STARD13: variants seen among roughly 807,000 people sequenced by gnomAD.
The protein encoded by STARD13 is stAR-related lipid transfer protein 13.
STARD13 carries 62 observed loss-of-function variants against 106.4 expected under a neutral mutation model. The ratio of observed to expected loss-of-function variants is 0.58; its 90% CI spans 0.48 to 0.72. The LOEUF (loss-of-function observed/expected upper bound fraction) is 0.72, where lower values mean the gene tolerates loss of function less well. STARD13 is among the 30% of genes least tolerant of loss of function. The pLI is 0.00. For missense variants in STARD13, 1,387 were observed against 1,424.0 expected (o/e 0.97, Z 0.42); for synonymous variants, 565 against 553.0 (o/e 1.02, Z -0.31).
upstream of STARD13, among the ~76,000 whole-genome samples, chr13:33,353,650 T>G (rs2078100576): frequency 6.6e-6 from 1 of 152,202 alleles, no homozygotes; most frequent in Non-Finnish European, 1.5e-5. Flanking sequence ...ATTTGGCACA[T>G]AGAAAAGACT....
chr13:33,350,771 C>T (rs2078071066), upstream of STARD13: 4 of 640,072 alleles, frequency 6.2e-6, no homozygotes, highest in Non-Finnish European at 7.9e-6. Flanking sequence ...TCCAGGAGCG[C>T]GCTTCCCCTT....
chr13:33,140,161 G>T (rs777590559), intron 4 of STARD13, among the ~76,000 whole-genome samples: 10 of 152,194 alleles, frequency 6.6e-5, no homozygotes, highest in Non-Finnish European at 1.2e-4. Context: ...AGCCCATCTC[G>T]CCTCTGGGTT....
At chr13:33,386,573 C>T in the STARD13 span, among the ~76,000 whole-genome samples, 12 of 152,066 alleles carry the variant, frequency 7.9e-5, no homozygotes, top group African/African-American at 1.9e-4. Context: ...GGGGGGTCGA[C>T]GTGCAGCCTG....
chr13:33,331,577 G>T lies in STARD13; in HGVS notation c.124+18713C>A, dbSNP rs191033671. 1.9e-3 allele frequency among the ~76,000 whole-genome samples: 282 copies of T among 145,450 alleles called. 2 individuals carry two copies. Among genetic ancestry groups the T allele is most frequent in the Non-Finnish European group, 2.7e-3 (183 of 66,780 alleles). Reference sequence around the variant, plus strand: ...GAACAGGTTTCGCCATGTTGGTCAGGCTAGTCTCGAACTCCTGACCTTAGG... The same window carrying T: ...GAACAGGTTTCGCCATGTTGGTCAGTCTAGTCTCGAACTCCTGACCTTAGG... On this transcript the variant is annotated intron_variant, in intron 1 of 5. Transcript: ENST00000567873.
At chr13:33,675,615 G>A in the STARD13 span, among the ~76,000 whole-genome samples, 1 of 152,138 alleles carries the variant, frequency 6.6e-6, no homozygotes, top group Admixed American at 6.5e-5. Flanking sequence ...GATGCAGATT[G>A]GTGCTCTCTG....
the STARD13 span, among the ~76,000 whole-genome samples, chr13:33,401,362 C>T: frequency 6.6e-6 from 1 of 152,304 alleles, no homozygotes; most frequent in East Asian, 1.9e-4. Flanking sequence ...TGACTATTGG[C>T]CCCAGCTGCC....
intron 1 of STARD13, among the ~76,000 whole-genome samples, chr13:33,244,854 A>G (rs1448927851): frequency 1.3e-5 from 2 of 152,234 alleles, no homozygotes; most frequent in African/African-American, 4.8e-5. Context: ...CAAATTGCCA[A>G]CATACAGAAC....
chr13:33,137,782 G>A (rs372737916), intron 4 of STARD13, among the ~76,000 whole-genome samples: 7 of 152,188 alleles, frequency 4.6e-5, no homozygotes, highest in African/African-American at 1.2e-4. Context: ...TAGGACATTC[G>A]CATGTAATTA....
the STARD13 span, among the ~76,000 whole-genome samples, chr13:33,567,534 G>T: frequency 6.8e-6 from 1 of 148,104 alleles, no homozygotes; most frequent in Non-Finnish European, 1.5e-5. Flanking sequence ...GATAATTCTT[G>T]TCTATAATTG....
At chr13:33,465,343 C>A in the STARD13 span, among the ~76,000 whole-genome samples, 1 of 151,636 alleles carries the variant, frequency 6.6e-6, no homozygotes, top group African/African-American at 2.4e-5. Flanking sequence ...GTAGCTGGGA[C>A]TACAGGTGCC....
At chr13:33,574,534 G>A in the STARD13 span, among the ~76,000 whole-genome samples, 4 of 152,112 alleles carry the variant, frequency 2.6e-5, no homozygotes, top group Non-Finnish European at 4.4e-5. Flanking sequence ...CCAGGAGTTC[G>A]AGACCAGCCT....
chr13:33,360,137 GT>G, the STARD13 span, among the ~76,000 whole-genome samples: 21 of 152,198 alleles, frequency 1.4e-4, 1 homozygote, highest in South Asian at 4.4e-3. Flanking sequence ...AATTTATGAC[GT>G]TTTAAAAATG....
chr13:33,622,712 G>A, the STARD13 span, among the ~76,000 whole-genome samples: 2 of 150,786 alleles, frequency 1.3e-5, no homozygotes, highest in Admixed American at 1.3e-4. Context: ...ACGAGGTCAG[G>A]AGATCGAGAC....
chr13:33,433,350 G>A, the STARD13 span, among the ~76,000 whole-genome samples: 74,984 of 151,980 alleles, frequency 0.49, 19,523 homozygotes, highest in African/African-American at 0.67. Flanking sequence ...TTTGTCTTTA[G>A]TTAGAATTTG....
intron 1 of STARD13, among the ~76,000 whole-genome samples, chr13:33,242,452 T>C (rs955843183): frequency 6.6e-6 from 1 of 152,278 alleles, no homozygotes; most frequent in African/African-American, 2.4e-5. Context: ...AACCTTACCC[T>C]CAACCCCGTG....
chr13:33,316,888 A>G (rs1276331063), intron 1 of STARD13, among the ~76,000 whole-genome samples: 1 of 152,158 alleles, frequency 6.6e-6, no homozygotes. Flanking sequence ...CTGTCTTGAC[A>G]AACTCATGAT....
At chr13:33,143,539 A>G (rs1880122192) in intron 3 of STARD13, among the ~76,000 whole-genome samples, 1 of 152,078 alleles carries the variant, frequency 6.6e-6, no homozygotes, top group African/African-American at 2.4e-5. Flanking sequence ...AGCTGTTTCC[A>G]GTCGTTTCTT....
At chr13:33,264,805 C>T (rs761071301) in intron 1 of STARD13, among the ~76,000 whole-genome samples, 11 of 152,076 alleles carry the variant, frequency 7.2e-5, no homozygotes, top group South Asian at 2.1e-4. Flanking sequence ...GGAGAAGTTA[C>T]GGGAATGGGT....
chr13:33,613,450 AG>A, the STARD13 span, among the ~76,000 whole-genome samples: 2 of 152,194 alleles, frequency 1.3e-5, no homozygotes, highest in African/African-American at 4.8e-5. Context: ...GTTTTCCCTG[AG>A]GGTGCAGTAA....
Sources: gnomAD v4.1 joint callset for allele counts (sites outside exome capture counted in the v4.1 genomes callset) on GRCh38, gnomAD v4.1.1 for gene constraint, MANE v1.5 for transcripts, NCBI Gene and HGNC (gene_info 2026-07-23, HGNC 2026-07-21) for gene names.